ULK4: variants seen among roughly 807,000 people sequenced by gnomAD.
ULK4 encodes inactive serine/threonine-protein kinase ULK4.
Under a neutral mutation model 160.6 loss-of-function variants are expected in ULK4, and 133 were observed. That is an observed-to-expected ratio of 0.83 (90% CI 0.72 to 0.96). ULK4 has a LOEUF of 0.96. Among genes scored for constraint, ULK4 ranks in the 40% least tolerant of loss-of-function variants. The pLI is 0.00. For synonymous variants in ULK4, 534 were observed against 539.8 expected (o/e 0.99, Z 0.15); for missense variants, 1,580 against 1,499.5 (o/e 1.05, Z -0.89).
At chr3:41,958,579 G>A (rs1197934657) in intron 1 of ULK4, among the ~76,000 whole-genome samples, 2 of 151,670 alleles carry the variant, frequency 1.3e-5, no homozygotes, top group East Asian at 3.9e-4. Flanking sequence ...AGGAATGGTG[G>A]CGCGCACCTG....
intron 32 of ULK4, among the ~76,000 whole-genome samples, chr3:41,465,805 T>C (rs1347994101): frequency 2.6e-5 from 4 of 152,158 alleles, no homozygotes; most frequent in Non-Finnish European, 4.4e-5. Context: ...GTCTTAGTTA[T>C]GTTAAAATTG....
At position 41,568,255 on chromosome 3, in the gene ULK4, C is replaced by T. The variant is rs114822033; in HGVS notation, c.3121-2125G>A. On this transcript the variant is annotated intron_variant, in intron 31 of 36. Coordinates refer to ENST00000301831, the MANE Select transcript of ULK4 (RefSeq NM_017886.4). ...TTAGAAGGTGATATACACTATGAGA[C>T]AAAATAGGGAACAGGATAAGGTGGC... 3.3e-3 allele frequency among the ~76,000 whole-genome samples: 498 copies of T among 152,232 alleles called. 2 individuals carry two copies. Among genetic ancestry groups the T allele is most frequent in the Non-Finnish European group, 5.2e-3 (354 of 68,002 alleles).
chr3:41,582,484 G>T (rs2030447233), intron 31 of ULK4, among the ~76,000 whole-genome samples: 3 of 152,130 alleles, frequency 2.0e-5, no homozygotes, highest in Admixed American at 2.0e-4. Flanking sequence ...TATTATGTCT[G>T]CATAGAGCAA....
Position 41,246,900 on chromosome 3 carries a change from G to C in ULK4, c.*29C>G. 1 of 1,610,926 alleles carries C rather than the reference G, an allele frequency of 6.2e-7. No individual in the cohort carries two copies. The highest frequency in any genetic ancestry group is 8.5e-7 in the Non-Finnish European group (1 of 1,178,794). The stretch of plus-strand genomic sequence containing the variant: ...TATGCATCCGAGGGCTGGGGCCACA[G>C]GGCGGGCTTGTGCTAAGCACCTTCT... On this transcript the variant is annotated 3_prime_UTR_variant, in exon 37 of 37. Transcript: ENST00000301831.
intron 29 of ULK4, among the ~76,000 whole-genome samples, chr3:41,673,899 C>G (rs2035618250): frequency 6.6e-6 from 1 of 152,028 alleles, no homozygotes; most frequent in Non-Finnish European, 1.5e-5. Flanking sequence ...ATATTTATTT[C>G]TTTATTGCTT....
At chr3:41,850,200 C>A (rs924763175) in intron 17 of ULK4, among the ~76,000 whole-genome samples, 2 of 152,126 alleles carry the variant, frequency 1.3e-5, no homozygotes, top group Admixed American at 6.6e-5. Flanking sequence ...TTTTCTTAAT[C>A]CAGTCTATCA....
intron 5 of ULK4, among the ~76,000 whole-genome samples, chr3:41,924,670 A>G (rs112279597): frequency 0.01 from 1,546 of 152,348 alleles, 26 homozygotes; most frequent in African/African-American, 0.035. Flanking sequence ...TGATAATTCT[A>G]TGGAATGCAA....
At chr3:41,640,058 A>G (rs2034119955) in intron 30 of ULK4, among the ~76,000 whole-genome samples, 1 of 152,192 alleles carries the variant, frequency 6.6e-6, no homozygotes, top group Non-Finnish European at 1.5e-5. Context: ...GGCCCATAAA[A>G]GCTTGTGATG....
At chr3:41,834,424 A>T (rs918173558) in intron 18 of ULK4, among the ~76,000 whole-genome samples, 3 of 152,202 alleles carry the variant, frequency 2.0e-5, no homozygotes, top group Admixed American at 6.5e-5. Flanking sequence ...TAACGATATT[A>T]GTTATCAAAT....
At chr3:41,325,966 A>G (rs1424836501) in intron 35 of ULK4, among the ~76,000 whole-genome samples, 2 of 152,096 alleles carry the variant, frequency 1.3e-5, no homozygotes, top group Non-Finnish European at 2.9e-5. Context: ...TAAATAAATT[A>G]TATGTATATG....
At chr3:41,581,504 A>G (rs2030338187) in intron 31 of ULK4, among the ~76,000 whole-genome samples, 1 of 152,234 alleles carries the variant, frequency 6.6e-6, no homozygotes, top group African/African-American at 2.4e-5. Flanking sequence ...CATCATTTTG[A>G]ATAGTCTTCC....
intron 20 of ULK4, among the ~76,000 whole-genome samples, chr3:41,792,415 A>T (rs73828280): frequency 0.24 from 36,497 of 151,734 alleles, 6,067 homozygotes; most frequent in African/African-American, 0.47. Flanking sequence ...TATTTTTTTT[A>T]AAAAAAAGAT....
intron 30 of ULK4, among the ~76,000 whole-genome samples, chr3:41,662,647 A>C (rs1188972634): frequency 2.0e-5 from 3 of 152,218 alleles, no homozygotes; most frequent in Non-Finnish European, 4.4e-5. Flanking sequence ...GCTAAAGACC[A>C]ACTGGTAGGT....
chr3:41,888,475 A>C (rs910082543), intron 16 of ULK4, among the ~76,000 whole-genome samples: 6 of 152,214 alleles, frequency 3.9e-5, no homozygotes, highest in Non-Finnish European at 8.8e-5. Context: ...GACGTTCCCA[A>C]GGAAGCCTCA....
chr3:41,787,328 A>G (rs1006604269), intron 21 of ULK4, among the ~76,000 whole-genome samples: 2 of 152,182 alleles, frequency 1.3e-5, no homozygotes, highest in African/African-American at 2.4e-5. Context: ...CACCAGCATC[A>G]GTGGAGGCAA....
At chr3:41,910,944 T>C (rs1361914654) in intron 11 of ULK4, among the ~76,000 whole-genome samples, 2 of 152,138 alleles carry the variant, frequency 1.3e-5, no homozygotes, top group Non-Finnish European at 2.9e-5. Context: ...GCCTGGGCAA[T>C]AGACGGAGAT....
chr3:41,510,219 G>C (rs2085523805), intron 32 of ULK4, among the ~76,000 whole-genome samples: 1 of 152,046 alleles, frequency 6.6e-6, no homozygotes, highest in Non-Finnish European at 1.5e-5. Context: ...AGCAAGAGAA[G>C]TTTAAAAAGA....
intron 5 of ULK4, among the ~76,000 whole-genome samples, chr3:41,922,405 T>G (rs1367427572): frequency 3.9e-5 from 6 of 152,042 alleles, no homozygotes. Flanking sequence ...GGGAATCGCT[T>G]CAGTCCAGGA....
chr3:41,752,791 C>T (rs1378964313), intron 22 of ULK4, among the ~76,000 whole-genome samples: 2 of 152,302 alleles, frequency 1.3e-5, no homozygotes, highest in East Asian at 3.9e-4. Context: ...AGGACACTAA[C>T]TTTGATCCCC....
Sources: allele counts gnomAD v4.1 joint callset (sites outside exome capture counted in the v4.1 genomes callset), GRCh38; gene constraint gnomAD v4.1.1; transcripts MANE v1.5; gene names NCBI Gene and HGNC (gene_info 2026-07-23, HGNC 2026-07-21).